The following ARHGEF28 variants were observed in gnomAD, a reference collection of about 807,000 sequenced individuals.
The protein encoded by ARHGEF28 is Rho guanine nucleotide exchange factor 28.
In ARHGEF28, 152 loss-of-function variants were observed where a neutral mutation model predicts 206.6. The observed-to-expected ratio is 0.74, with a 90% CI of 0.64 to 0.84. The LOEUF is 0.84. Ranked by LOEUF, ARHGEF28 falls within the 40% of genes least tolerant of loss-of-function variation. The pLI is 0.00. For missense variants in ARHGEF28, 2,028 were observed against 2,073.2 expected (o/e 0.98, Z 0.42); for synonymous variants, 763 against 776.4 (o/e 0.98, Z 0.29).
chr5:73,815,107 C>T (rs1056125402), intron 9 of ARHGEF28, among the ~76,000 whole-genome samples: 3 of 151,702 alleles, frequency 2.0e-5, no homozygotes, highest in South Asian at 2.1e-4. Context: ...AATTTCAACA[C>T]GAAAGCCTGT....
chr5:73,937,523 T>G (rs1764487765), intron 35 of ARHGEF28, among the ~76,000 whole-genome samples: 1 of 152,222 alleles, frequency 6.6e-6, no homozygotes, highest in African/African-American at 2.4e-5. Context: ...GAGGCAAAAT[T>G]GTGTTGAGAT....
At chr5:73,796,023 C>T (rs1021306379) in intron 9 of ARHGEF28, among the ~76,000 whole-genome samples, 1 of 152,240 alleles carries the variant, frequency 6.6e-6, no homozygotes, top group African/African-American at 2.4e-5. Context: ...TGTTTCACAA[C>T]TCCCTGAGGA....
At chr5:73,780,864 C>G in intron 7 of ARHGEF28, 119 bp downstream of exon 7, 1 of 1,086,556 alleles carries the variant, frequency 9.2e-7, no homozygotes. Flanking sequence ...GAGGCAAGAT[C>G]AGGGGTGTGG....
At chr5:73,656,193 C>G (rs1243921655) in intron 1 of ARHGEF28, among the ~76,000 whole-genome samples, 1 of 152,170 alleles carries the variant, frequency 6.6e-6, no homozygotes, top group Non-Finnish European at 1.5e-5. Flanking sequence ...CTTTTTACCT[C>G]TTTTCTTGTT....
rs1283183272 is a variant in ARHGEF28, at chr5:73,656,696, G to T, written c.-11-28145G>T. Among the ~76,000 whole-genome samples, 3 of 152,150 alleles carry T rather than the reference G, an allele frequency of 2.0e-5. No homozygotes were observed. In the East Asian group the frequency reaches 5.8e-4, roughly 29 times the overall value. On this transcript the variant is annotated intron_variant, in intron 1 of 35. Coordinates refer to ENST00000513042, the MANE Select transcript of ARHGEF28 (RefSeq NM_001177693.2). ...CCTGTTTGTGTGTCTGTCAGATTAT[G>T]TCACTCAGCTCAGAACCCTCAAATG...
intron 1 of ARHGEF28, among the ~76,000 whole-genome samples, chr5:73,646,990 G>A (rs559946305): frequency 2.0e-5 from 3 of 152,310 alleles, no homozygotes; most frequent in South Asian, 4.1e-4. Flanking sequence ...TAAGAACAGA[G>A]AAGGACATTG....
chr5:73,807,034 AG>A (rs1755549189), intron 9 of ARHGEF28, among the ~76,000 whole-genome samples: 1 of 131,374 alleles, frequency 7.6e-6, no homozygotes, highest in African/African-American at 2.6e-5. Flanking sequence ...GGCATGTAAG[AG>A]GTTTTTTTTT....
intron 9 of ARHGEF28, among the ~76,000 whole-genome samples, chr5:73,797,140 C>G (rs1183933061): frequency 6.6e-6 from 1 of 152,204 alleles, no homozygotes; most frequent in African/African-American, 2.4e-5. Flanking sequence ...GATAAATGAG[C>G]ACAACTTTAG....
intron 35 of ARHGEF28, among the ~76,000 whole-genome samples, chr5:73,917,966 A>G (rs1763304564): frequency 6.6e-6 from 1 of 152,200 alleles, no homozygotes; most frequent in Non-Finnish European, 1.5e-5. Flanking sequence ...TGCTGCCTTC[A>G]GTCACAGTGA....
chr5:73,920,433 CTTTT>C (rs113858012), intron 35 of ARHGEF28, among the ~76,000 whole-genome samples: 15,893 of 150,356 alleles, frequency 0.11, 1,009 homozygotes, highest in South Asian at 0.21. Context: ...TAGAGATCAT[CTTTT>C]TTTTATTTTA....
At chr5:73,649,340 T>C (rs1744649452) in intron 1 of ARHGEF28, among the ~76,000 whole-genome samples, 2 of 152,132 alleles carry the variant, frequency 1.3e-5, no homozygotes, top group East Asian at 1.9e-4. Flanking sequence ...TGATCCAGAA[T>C]TGAAAGAGTC....
rs756699052 is a variant in ARHGEF28 at position 73,920,545 on chromosome 5, G to GTTTTTTT, written c.4948+8986_4948+8992dup. On this transcript the variant is annotated intron_variant, in intron 35 of 35. Transcript: ENST00000513042. ...CTGTACCTATCAACCCGTCATCTAG[G>GTTTTTTT]TTTTTTTTTTTTTTTTTTTTTTGAG... 2.0e-4 allele frequency among the ~76,000 whole-genome samples: 22 copies of GTTTTTTT among 110,528 alleles called. 1 individual carries two copies. The highest frequency in any genetic ancestry group is 3.5e-4 in the South Asian group (1 of 2,826). 72.5% of individuals were successfully genotyped at this position (110,528 alleles called of 152,430 possible).
Position 73,670,839 on chromosome 5 carries a change from G to A in ARHGEF28, c.-11-14002G>A, listed in dbSNP as rs558265642. Among the ~76,000 whole-genome samples, 47 of 152,202 alleles carry A rather than the reference G, an allele frequency of 3.1e-4. 1 individual carries two copies. In the South Asian group the frequency reaches 4.4e-3, roughly 14 times the overall value. On this transcript the variant is annotated intron_variant, in intron 1 of 35. Coordinates refer to ENST00000513042, the MANE Select transcript of ARHGEF28 (RefSeq NM_001177693.2). ...AATTTTCTAATTGCATTGCTTGAGAGTTCTTTATATATTTTGCATACTAGC... is the reference window on the plus strand; with the variant it reads ...AATTTTCTAATTGCATTGCTTGAGAATTCTTTATATATTTTGCATACTAGC...
Position 73,920,545 on chromosome 5 carries a change from G to GTTTTT in ARHGEF28, c.4948+8988_4948+8992dup, listed in dbSNP as rs756699052. ...CTGTACCTATCAACCCGTCATCTAGGTTTTTTTTTTTTTTTTTTTTTTGAG... is the reference window on the plus strand; with the variant it reads ...CTGTACCTATCAACCCGTCATCTAGGTTTTTTTTTTTTTTTTTTTTTTTTTTTGAG... On this transcript the variant is annotated intron_variant, in intron 35 of 35. Coordinates refer to ENST00000513042, the MANE Select transcript of ARHGEF28 (RefSeq NM_001177693.2). Among the ~76,000 whole-genome samples the GTTTTT allele has an allele frequency of 7.0e-4, 77 of 110,524 alleles. 1 individual carries two copies. The highest frequency in any genetic ancestry group is 9.5e-4 in the Non-Finnish European group (53 of 55,904). 72.5% of individuals were successfully genotyped at this position (110,524 alleles called of 152,430 possible). A position where few individuals can be genotyped will look rare whatever the true frequency, so the allele number is the denominator to read the frequency against.
At position 73,709,823 on chromosome 5, in the gene ARHGEF28, A is replaced by G. The variant is rs565105059; in HGVS notation, c.33+24939A>G. ...ATGACCCGCATTCTTTCGGCCTCCA[A>G]CAATGCATAGCCTTTTGTATATGGC... On this transcript the variant is annotated intron_variant, in intron 2 of 35. Transcript: ENST00000513042. Among the ~76,000 whole-genome samples the G allele has an allele frequency of 8.1e-4, 124 of 152,326 alleles. 1 individual carries two copies. Among genetic ancestry groups the G allele is most frequent in the African/African-American group, 2.9e-3 (122 of 41,582 alleles).
At position 73,940,850 on chromosome 5, in the gene ARHGEF28, ACACCTCC is replaced by A; in HGVS notation, c.4959_4965del (p.Ser1654LeufsTer20). ...TGCTGTCTGTTTCTTGCAGATTTGG[ACACCTCC>A]CACACTGAGTCCCCAACCCCCCATG... On this transcript the variant is annotated frameshift_variant, in exon 36 of 36. Transcript: ENST00000513042. LOFTEE classifies it low-confidence loss of function (END_TRUNC). 6.7e-7 allele frequency: 1 copy of A among 1,489,710 alleles called. No individual in the cohort carries two copies. The highest frequency in any genetic ancestry group is 8.9e-7 in the Non-Finnish European group (1 of 1,128,786). 92.3% of individuals were successfully genotyped at this position (1,489,710 alleles called of 1,614,324 possible). A position where few individuals can be genotyped will look rare whatever the true frequency, so the allele number is the denominator to read the frequency against.
intron 7 of ARHGEF28, among the ~76,000 whole-genome samples, chr5:73,781,068 C>A (rs1235833236): frequency 2.0e-5 from 3 of 152,158 alleles, no homozygotes; most frequent in African/African-American, 7.2e-5. Flanking sequence ...TTCATTGAGT[C>A]CTTCATTCTA....
chr5:73,761,122 A>T (rs1351117605), intron 4 of ARHGEF28, among the ~76,000 whole-genome samples: 1 of 144,212 alleles, frequency 6.9e-6, no homozygotes, highest in African/African-American at 2.5e-5. Context: ...TTGAAGTCCC[A>T]TTCCTGGCTT....
chr5:73,891,630 T>G (rs536064583), intron 26 of ARHGEF28, among the ~76,000 whole-genome samples: 108 of 152,056 alleles, frequency 7.1e-4, no homozygotes, highest in Non-Finnish European at 1.2e-3. Flanking sequence ...GTTCAAGCAA[T>G]TCTCATGCCT....
Sources: gnomAD v4.1 joint callset for allele counts (sites outside exome capture counted in the v4.1 genomes callset) on GRCh38, gnomAD v4.1.1 for gene constraint, MANE v1.5 for transcripts, NCBI Gene and HGNC (gene_info 2026-07-23, HGNC 2026-07-21) for gene names.